Variants in OXNAD1 observed in about 807,000 individuals in gnomAD.
OXNAD1 encodes oxidoreductase NAD-binding domain-containing protein 1.
Under a neutral mutation model 32.9 loss-of-function variants are expected in OXNAD1, and 34 were observed. That is an observed-to-expected ratio of 1.03 (90% CI 0.79 to 1.38). The LOEUF is 1.38. OXNAD1 is among the 40% of genes most tolerant of loss of function. The probability of loss-of-function intolerance (pLI) is 0.00; values close to 1 mark genes in which losing one functional copy is unlikely to be tolerated. For missense variants in OXNAD1, 407 were observed against 379.4 expected, an observed-to-expected ratio of 1.07 and a Z score of -0.60; for synonymous variants, 134 against 135.2, an observed-to-expected ratio of 0.99 and a Z score of 0.06.
chr3:16,307,018 G>A (rs1402481852), downstream of OXNAD1, among the ~76,000 whole-genome samples: 1 of 152,096 alleles, frequency 6.6e-6, no homozygotes, highest in Non-Finnish European at 1.5e-5. Context: ...TATTCTTCCT[G>A]TATATATTGT....
rs1343544684 is a variant in OXNAD1 at position 16,321,614 on chromosome 3, G to A, written c.*31-15498G>A. 6.6e-6 allele frequency among the ~76,000 whole-genome samples: 1 copy of A among 152,198 alleles called. No homozygotes were observed. The highest frequency in any genetic ancestry group is 1.5e-5 in the Non-Finnish European group (1 of 68,030). On this transcript the variant is annotated intron_variant, in intron 9 of 9. Transcript: ENST00000435829. The surrounding 1 kb of genome is among the most constrained non-coding windows in gnomAD (Gnocchi z 4.8). ...CCCCCTCTCTGGAGGACTCCCATCT[G>A]TGAGGTGACCCAGAGGGTCTTGTGT...
chr3:16,291,575 T>C (rs1431375437), intron 5 of OXNAD1, among the ~76,000 whole-genome samples: 6 of 152,246 alleles, frequency 3.9e-5, no homozygotes, highest in Non-Finnish European at 8.8e-5. Context: ...TCATCTATGT[T>C]GTAGCCTGTA....
intron 5 of OXNAD1, among the ~76,000 whole-genome samples, chr3:16,294,341 T>G (rs2066623038): frequency 6.6e-6 from 1 of 152,204 alleles, no homozygotes; most frequent in African/African-American, 2.4e-5. Context: ...TAGCTGGGAT[T>G]ACAGGCATGC....
rs1014830836 is a variant in OXNAD1, at chr3:16,287,919, G to T, written c.290+1471G>T. On this transcript the variant is annotated intron_variant, in intron 5 of 8. Transcript: ENST00000285083. This position sits in a 1 kb window ranked among gnomAD's most constrained non-coding sequence, Gnocchi z 4.8. ...CTGAATTTAGGCCTGGTTTTCGTAT[G>T]TGCCTGTCAGACTTCTTCGGAGGTC... is the stretch of plus-strand genomic sequence containing the variant. Among the ~76,000 whole-genome samples the T allele has an allele frequency of 2.0e-5, 3 of 152,326 alleles. No homozygotes were observed. The highest frequency in any genetic ancestry group is 4.1e-4 in the South Asian group (2 of 4,828).
downstream of OXNAD1, among the ~76,000 whole-genome samples, chr3:16,307,392 GTGT>G (rs1270089319): frequency 1.3e-5 from 2 of 152,176 alleles, no homozygotes; most frequent in Admixed American, 1.3e-4. Flanking sequence ...GATGAGTGTG[GTGT>G]TAAGAAGCCT....
At chr3:16,343,695 CA>C (rs1287803276) in intron 9 of OXNAD1, among the ~76,000 whole-genome samples, 2 of 152,262 alleles carry the variant, frequency 1.3e-5, no homozygotes, top group Admixed American at 1.3e-4. Context: ...TCATATTATC[CA>C]ATTATTTATT....
At position 16,289,646 on chromosome 3, in the gene OXNAD1, A is replaced by G. The variant is rs1174144428; in HGVS notation, c.290+3198A>G. 6.6e-6 allele frequency among the ~76,000 whole-genome samples: 1 copy of G among 152,222 alleles called. No homozygotes were observed. The highest frequency in any genetic ancestry group is 1.5e-5 in the Non-Finnish European group (1 of 68,040). On this transcript the variant is annotated intron_variant, in intron 5 of 8. Coordinates refer to ENST00000285083, the MANE Select transcript of OXNAD1 (RefSeq NM_138381.5). This position sits in a 1 kb window ranked among gnomAD's most constrained non-coding sequence, Gnocchi z 4.9. ...CATGTGTGGCAGCCCTGATTCTCAC[A>G]GGACTGCACATAACATAGCACTGTA...
chr3:16,266,602 CAAAAAAAAAAA>C (rs77883979), intron 1 of OXNAD1, among the ~76,000 whole-genome samples: 6 of 73,084 alleles, frequency 8.2e-5, no homozygotes, highest in South Asian at 5.4e-4. Context: ...GACGCTGTCT[CAAAAAAAAAAA>C]AAAAAAAAAA....
intron 5 of OXNAD1, among the ~76,000 whole-genome samples, chr3:16,286,722 A>G (rs904445294): frequency 5.9e-5 from 9 of 152,234 alleles, no homozygotes; most frequent in East Asian, 3.9e-4. Context: ...GTTCTGGCCC[A>G]TGGAACTGAC....
chr3:16,330,678 G>A (rs533766091), intron 9 of OXNAD1, among the ~76,000 whole-genome samples: 212 of 152,282 alleles, frequency 1.4e-3, no homozygotes, highest in Middle Eastern at 0.01. Context: ...TTTTCAACTC[G>A]TATAAAAGGA....
In OXNAD1 at chr3:16,321,284, G is replaced by A. The variant is rs1422911075; in HGVS notation, c.*31-15828G>A. Among the ~76,000 whole-genome samples, 2 of 152,180 alleles carry A rather than the reference G, an allele frequency of 1.3e-5. No individual in the cohort carries two copies. The highest frequency in any genetic ancestry group is 4.8e-5 in the African/African-American group (2 of 41,426). ...TGGTCATTGGCACAGAGGTGGTGAA[G>A]GAGATTTTCTAAGGAAGAGGCAAGA... On this transcript the variant is annotated intron_variant, in intron 9 of 9. Coordinates refer to the OXNAD1 transcript ENST00000435829. The surrounding 1 kb of genome is among the most constrained non-coding windows in gnomAD (Gnocchi z 4.8).
chr3:16,285,241 A>G (rs2065993164), intron 4 of OXNAD1, among the ~76,000 whole-genome samples: 1 of 152,228 alleles, frequency 6.6e-6, no homozygotes, highest in Non-Finnish European at 1.5e-5. Context: ...AATGGTCTCC[A>G]CTAATAGTTT....
chr3:16,317,794 A>G lies in OXNAD1; in HGVS notation c.*30+14202A>G, dbSNP rs1464978490. On this transcript the variant is annotated intron_variant, in intron 9 of 9. Coordinates refer to the OXNAD1 transcript ENST00000435829. The surrounding 1 kb of genome is among the most constrained non-coding windows in gnomAD (Gnocchi z 4.3). ...GGCCGATAGCCCTTTGCTGACCACC[A>G]CCTCACAGAAGGGTCACACCAGGGC... is the stretch of plus-strand genomic sequence containing the variant. Among the ~76,000 whole-genome samples the G allele has an allele frequency of 6.6e-6, 1 of 151,412 alleles. No individual in the cohort carries two copies. The highest frequency in any genetic ancestry group is 2.4e-5 in the African/African-American group (1 of 40,924).
intron 9 of OXNAD1, among the ~76,000 whole-genome samples, chr3:16,333,850 G>A (rs955708522): frequency 2.0e-5 from 3 of 152,206 alleles, no homozygotes; most frequent in Non-Finnish European, 4.4e-5. Context: ...GAGAAATGCA[G>A]AATCTCATAA....
At chr3:16,318,436 G>T (rs1456251783) in intron 9 of OXNAD1, among the ~76,000 whole-genome samples, 1 of 152,172 alleles carries the variant, frequency 6.6e-6, no homozygotes, top group Non-Finnish European at 1.5e-5. Flanking sequence ...AGTGGGAAAT[G>T]ATTTCTTAAG....
At position 16,312,124 on chromosome 3, in the gene OXNAD1, ATTG is replaced by A. The variant is rs2068019926; in HGVS notation, c.*30+8535_*30+8537del. 6.6e-6 allele frequency among the ~76,000 whole-genome samples: 1 copy of A among 152,158 alleles called. No individual in the cohort carries two copies. The highest frequency in any genetic ancestry group is 1.5e-5 in the Non-Finnish European group (1 of 68,032). The stretch of plus-strand genomic sequence containing the variant: ...TTTTCTTAGTCTAGCCACTGAAACG[ATTG>A]TTATCAACAGGAACCTGTGGTGAAC... On this transcript the variant is annotated intron_variant, in intron 9 of 9. Coordinates refer to the OXNAD1 transcript ENST00000435829. This position sits in a 1 kb window ranked among gnomAD's most constrained non-coding sequence, Gnocchi z 4.7.
Position 16,321,721 on chromosome 3 carries a change from C to T in OXNAD1, c.*31-15391C>T, listed in dbSNP as rs2069081243. ...AGGTACATGGAAAGAGAAAGCAGTCCACCCAGATGAGTACAGCTGCTTGGG... is the reference window on the plus strand; with the variant it reads ...AGGTACATGGAAAGAGAAAGCAGTCTACCCAGATGAGTACAGCTGCTTGGG... On this transcript the variant is annotated intron_variant, in intron 9 of 9. Transcript: ENST00000435829. The surrounding 1 kb of genome is among the most constrained non-coding windows in gnomAD (Gnocchi z 4.8). 6.6e-6 allele frequency among the ~76,000 whole-genome samples: 1 copy of T among 152,208 alleles called. No homozygotes were observed. Among genetic ancestry groups the T allele is most frequent in the Admixed American group, 6.5e-5 (1 of 15,284 alleles).
At position 16,271,049 on chromosome 3, in the gene OXNAD1, T is replaced by G; in HGVS notation, c.97T>G (p.Leu33Val). 6.2e-7 allele frequency: 1 copy of G among 1,614,142 alleles called. No homozygotes were observed. The highest frequency in any genetic ancestry group is 8.5e-7 in the Non-Finnish European group (1 of 1,180,002). ...AASLRLTLSTLRHLTLTSIMK... is the reference protein window; with the variant it reads ...AASLRLTLSTVRHLTLTSIMK... ...GTCACTGAGATTGACACTCAGCACT[T>G]TGCGCCACCTTACTCTAACCAGGTG... is the stretch of plus-strand genomic sequence containing the variant. The change falls in exon 3 of 9, where the codon TTG (leucine) becomes GTG (valine). Residue 33 changes from leucine to valine, a missense_variant. Transcript: ENST00000285083. This position sits in a 1 kb window ranked among gnomAD's most constrained non-coding sequence, Gnocchi z 4.6.
At chr3:16,349,610 A>G (rs1202049769) in exon 10 of OXNAD1, 1 of 152,264 alleles carries the variant, frequency 6.6e-6, no homozygotes, top group African/African-American at 2.4e-5. Context: ...AGAAAAGGGT[A>G]TGTTCAAGAC....
Sources: gnomAD v4.1 joint callset for allele counts (sites outside exome capture counted in the v4.1 genomes callset) on GRCh38, gnomAD v4.1.1 for gene constraint, Gnocchi (gnomAD v3.1) non-coding constraint, MANE v1.5 for transcripts, NCBI Gene and HGNC (gene_info 2026-07-23, HGNC 2026-07-21) for gene names.